ULK4: variants seen among roughly 807,000 people sequenced by gnomAD.
ULK4 encodes the protein unc-51 like kinase 4.
ULK4 carries 133 observed loss-of-function variants against 160.6 expected under a neutral mutation model. The observed-to-expected ratio is 0.83, with a 90% CI of 0.72 to 0.96. The LOEUF (loss-of-function observed/expected upper bound fraction) is 0.96, where lower values mean the gene tolerates loss of function less well. ULK4 is among the 40% of genes least tolerant of loss of function. The pLI is 0.00. For synonymous variants in ULK4, 534 were observed against 539.8 expected (o/e 0.99, Z 0.15); for missense variants, 1,580 against 1,499.5 (o/e 1.05, Z -0.89).
chr3:41,381,987 C>G (rs2081664040), intron 35 of ULK4, among the ~76,000 whole-genome samples: 2 of 152,150 alleles, frequency 1.3e-5, no homozygotes, highest in African/African-American at 4.8e-5. Context: ...GTGGCCTTAG[C>G]ACTTGCTATT....
At chr3:41,800,967 T>C (rs896346206) in intron 19 of ULK4, among the ~76,000 whole-genome samples, 8 of 152,172 alleles carry the variant, frequency 5.3e-5, no homozygotes, top group Non-Finnish European at 1.0e-4. Context: ...AAATTCGCAG[T>C]GAGTAACATC....
At chr3:41,313,076 T>G (rs982268324) in intron 35 of ULK4, among the ~76,000 whole-genome samples, 13 of 151,992 alleles carry the variant, frequency 8.6e-5, no homozygotes, top group African/African-American at 3.1e-4. Context: ...AGGCAAGAGA[T>G]GGTTTGAGAA....
At chr3:41,821,808 G>A (rs1239982275) in intron 18 of ULK4, among the ~76,000 whole-genome samples, 3 of 151,806 alleles carry the variant, frequency 2.0e-5, no homozygotes, top group Non-Finnish European at 2.9e-5. Flanking sequence ...CCAATATGAC[G>A]ACTTCTATCT....
At chr3:41,911,254 CA>C in intron 11 of ULK4, 62 bp downstream of exon 11, 1 of 1,499,910 alleles carries the variant, frequency 6.7e-7, no homozygotes, top group South Asian at 1.2e-5. Context: ...ACCAAGATAG[CA>C]GATGCTTTAA....
chr3:41,738,081 G>C (rs907397799), intron 22 of ULK4, among the ~76,000 whole-genome samples: 1 of 151,750 alleles, frequency 6.6e-6, no homozygotes, highest in Admixed American at 6.6e-5. Flanking sequence ...AATATGTAGG[G>C]GTGATAATAT....
intron 34 of ULK4, among the ~76,000 whole-genome samples, chr3:41,404,922 T>C (rs1049463786): frequency 6.6e-6 from 1 of 152,196 alleles, no homozygotes; most frequent in African/African-American, 2.4e-5. Context: ...GGTATTATGT[T>C]ATAGCAGCAC....
intron 19 of ULK4, among the ~76,000 whole-genome samples, 193 bp downstream of exon 19, chr3:41,819,230 G>A (rs947584906): frequency 6.6e-6 from 1 of 152,330 alleles, no homozygotes; most frequent in East Asian, 1.9e-4. Flanking sequence ...ACAAGTGAAT[G>A]AGAAAGCTAG....
At chr3:41,599,278 C>A (rs774102890) in intron 31 of ULK4, among the ~76,000 whole-genome samples, 2 of 152,014 alleles carry the variant, frequency 1.3e-5, no homozygotes, top group Non-Finnish European at 2.9e-5. Context: ...ATAATTAATG[C>A]TTAGGTCAGC....
In ULK4 at chr3:41,398,129, T is replaced by C; in HGVS notation, c.3628A>G (p.Lys1210Glu). 1 of 1,613,470 alleles carries C rather than the reference T, an allele frequency of 6.2e-7. No homozygotes were observed. Among genetic ancestry groups the C allele is most frequent in the South Asian group, 1.1e-5 (1 of 91,056 alleles). The stretch of plus-strand genomic sequence containing the variant: ...AGCTTCTGCTCCTTTGGGTCCTCCT[T>C]GGATGTCAGTAAATGAGCAAAAATT... ...VEIFAHLLTS[K>E]EDPKEQKLLL... The change falls in exon 35 of 37, where the codon AAG (lysine) becomes GAG (glutamate). Residue 1210 changes from lysine (K) to glutamate (E), a missense_variant. Physicochemically the swap from Lys to Glu is moderately conservative, Grantham distance 56 (BLOSUM62 1). Transcript: ENST00000301831.
rs2085346485 is a variant in ULK4, at chr3:41,505,568, TAAATC to T, written c.3227-42320_3227-42316del. Among the ~76,000 whole-genome samples the T allele has an allele frequency of 1.3e-5, 2 of 152,212 alleles. 1 individual carries two copies. Among genetic ancestry groups the T allele is most frequent in the South Asian group, 4.1e-4 (2 of 4,832 alleles). On this transcript the variant is annotated intron_variant, in intron 32 of 36. Transcript: ENST00000301831. The stretch of plus-strand genomic sequence containing the variant: ...TATTTTTATGAATGCTACTATAAAT[TAAATC>T]ATCTTTAAATTTTTTACTGATTTAT...
chr3:41,703,833 T>TGC (rs1491207538), intron 27 of ULK4, among the ~76,000 whole-genome samples: 1 of 93,306 alleles, frequency 1.1e-5, no homozygotes, highest in Non-Finnish European at 2.1e-5. Context: ...TTAATGCGCA[T>TGC]GCACACACAC....
intron 35 of ULK4, among the ~76,000 whole-genome samples, chr3:41,307,708 T>C (rs2079974774): frequency 1.3e-5 from 2 of 152,142 alleles, no homozygotes; most frequent in South Asian, 4.2e-4. Context: ...CAAGAGCCTA[T>C]AGTCCTAGCC....
intron 32 of ULK4, among the ~76,000 whole-genome samples, chr3:41,556,327 G>A (rs2125585699): frequency 6.6e-6 from 1 of 152,008 alleles, no homozygotes; most frequent in South Asian, 2.1e-4. Context: ...AAGTGTTCCA[G>A]GAAAATATAA....
intron 21 of ULK4, among the ~76,000 whole-genome samples, chr3:41,777,673 G>A (rs1379604544): frequency 2.6e-5 from 3 of 117,208 alleles, no homozygotes; most frequent in East Asian, 2.1e-4. Context: ...CCTTCATTTC[G>A]TTATGTACCC....
chr3:41,374,016 C>T lies in ULK4; in HGVS notation c.3678+24063G>A, dbSNP rs185383499. On this transcript the variant is annotated intron_variant, in intron 35 of 36. Transcript: ENST00000301831. ...AGAGAATACTATAAACACCTCTACG[C>T]AAATAAACTAGACAATCTAGAAGAA... Among the ~76,000 whole-genome samples, 81 of 152,298 alleles carry T rather than the reference C, an allele frequency of 5.3e-4. 1 individual carries two copies. In the East Asian group the frequency reaches 0.013, roughly 25 times the overall value.
intron 27 of ULK4, among the ~76,000 whole-genome samples, chr3:41,692,771 G>C (rs115730529): frequency 2.0e-5 from 3 of 152,302 alleles, no homozygotes; most frequent in Non-Finnish European, 2.9e-5. Context: ...TCTGAAAGCA[G>C]AGACCTACTG....
chr3:41,875,405 T>C (rs990126820), intron 17 of ULK4, among the ~76,000 whole-genome samples: 2 of 151,954 alleles, frequency 1.3e-5, no homozygotes, highest in African/African-American at 4.8e-5. Context: ...TTGGCTAAAA[T>C]GATTTTTTAA....
At chr3:41,722,203 C>CA (rs2037495407) in intron 22 of ULK4, among the ~76,000 whole-genome samples, 1 of 152,136 alleles carries the variant, frequency 6.6e-6, no homozygotes, top group Admixed American at 6.5e-5. Flanking sequence ...CTTGAGTACA[C>CA]AAATCTTAAG....
In ULK4 at chr3:41,632,883, T is replaced by C. The variant is rs548898091; in HGVS notation, c.3072-17166A>G. On this transcript the variant is annotated intron_variant, in intron 30 of 36. Coordinates refer to ENST00000301831, the MANE Select transcript of ULK4 (RefSeq NM_017886.4). ...GCAGCTGAGATCAGAGTCCACATTC[T>C]ACAGGGTAGGTACAGCCTGAGGTTC... Among the ~76,000 whole-genome samples the C allele has an allele frequency of 2.0e-5, 3 of 152,278 alleles. No homozygotes were observed. The East Asian group carries it at 5.8e-4, about 29-fold the overall frequency.
Sources: allele counts gnomAD v4.1 joint callset (sites outside exome capture counted in the v4.1 genomes callset), GRCh38; gene constraint gnomAD v4.1.1; transcripts MANE v1.5; gene names NCBI Gene and HGNC (gene_info 2026-07-23, HGNC 2026-07-21).